INO80D: variants seen among roughly 807,000 people sequenced by gnomAD.
The protein encoded by INO80D is INO80 complex subunit D.
INO80D carries 21 observed loss-of-function variants against 87.6 expected under a neutral mutation model. The ratio of observed to expected loss-of-function variants is 0.24; its 90% CI spans 0.17 to 0.35. INO80D has a LOEUF of 0.35. Ranked by LOEUF, INO80D falls within the 10% of genes least tolerant of loss-of-function variation. The probability of loss-of-function intolerance (pLI) is 1.00; values close to 1 mark genes in which losing one functional copy is unlikely to be tolerated. For synonymous variants in INO80D, 440 were observed against 491.0 expected (o/e 0.90, Z 1.37); for missense variants, 982 against 1,280.7 (o/e 0.77, Z 3.56).
chr2:206,044,776 T>C (rs1234943063), intron 5 of INO80D, among the ~76,000 whole-genome samples: 1 of 152,220 alleles, frequency 6.6e-6, no homozygotes, highest in Non-Finnish European at 1.5e-5. Flanking sequence ...ATAACTACCA[T>C]TTATTAATAA....
rs896722177 is a variant in INO80D, at chr2:205,999,004, A to G, written c.*5364T>C. ...TTTCAGCACTAATCCACTGGAGCCA[A>G]CTGTACCTTAATGATGCAGGTTGGA... On this transcript the variant is annotated 3_prime_UTR_variant, in exon 11 of 11. Transcript: ENST00000403263. 1 of 152,188 alleles carries G rather than the reference A, an allele frequency of 6.6e-6. No individual in the cohort carries two copies. The highest frequency in any genetic ancestry group is 1.5e-5 in the Non-Finnish European group (1 of 68,042). 9.4% of individuals were successfully genotyped at this position (152,188 alleles called of 1,614,324 possible).
rs749733333 is a variant in INO80D, at chr2:206,005,124, C to T, written c.2328G>A (p.Gly776=). The change falls in exon 11 of 11, where the codon GGG becomes GGA. Residue 776 remains glycine (G), a synonymous_variant. Transcript: ENST00000403263. ...SATLISQSAL[G]ERAFPGQFHG... Reference sequence around the variant, plus strand: ...GAAACTGTCCTGGGAAGGCTCTCTCCCCAAGTGCACTCTGGCTGATCAGAG... The same window carrying T: ...GAAACTGTCCTGGGAAGGCTCTCTCTCCAAGTGCACTCTGGCTGATCAGAG... 7 of 1,613,958 alleles carry T rather than the reference C, an allele frequency of 4.3e-6. No homozygotes were observed. Among genetic ancestry groups the T allele is most frequent in the Admixed American group, 1.7e-5 (1 of 60,018 alleles).
chr2:206,047,662 CA>C (rs1175264678), intron 4 of INO80D, among the ~76,000 whole-genome samples: 137 of 140,262 alleles, frequency 9.8e-4, no homozygotes, highest in East Asian at 1.0e-3. Context: ...ATGAAAACAA[CA>C]AAAAAAAAAA....
At chr2:206,031,933 G>A (rs995143321) in intron 5 of INO80D, among the ~76,000 whole-genome samples, 2 of 152,160 alleles carry the variant, frequency 1.3e-5, no homozygotes, top group East Asian at 1.9e-4. Flanking sequence ...GGAAACTGAA[G>A]GTCTAGTTTG....
In INO80D at chr2:205,999,644, A is replaced by T. The variant is rs1687870724; in HGVS notation, c.*4724T>A. The T allele has an allele frequency of 6.6e-6, 1 of 152,214 alleles. No individual in the cohort carries two copies. Among genetic ancestry groups the T allele is most frequent in the Admixed American group, 6.5e-5 (1 of 15,286 alleles). The allele number at this position is 152,214 out of a possible 1,614,324, so 9.4% of individuals were successfully genotyped here. A position where few individuals can be genotyped will look rare whatever the true frequency, so the allele number is the denominator to read the frequency against. The stretch of plus-strand genomic sequence containing the variant: ...AGTTTGACCCACAACTGCAGCATTA[A>T]TGACACTGTTTATTAGAAGAGACAT... On this transcript the variant is annotated 3_prime_UTR_variant, in exon 11 of 11. Coordinates refer to ENST00000403263, the MANE Select transcript of INO80D (RefSeq NM_017759.5).
At chr2:206,012,818 G>A (rs1347878034) in intron 8 of INO80D, among the ~76,000 whole-genome samples, 6 of 144,536 alleles carry the variant, frequency 4.2e-5, no homozygotes, top group Admixed American at 7.2e-5. Flanking sequence ...GCAGTGAGCC[G>A]AGATTGCACC....
chr2:206,077,203 G>A (rs1186384395), intron 1 of INO80D, among the ~76,000 whole-genome samples: 1 of 151,978 alleles, frequency 6.6e-6, no homozygotes, highest in East Asian at 1.9e-4. Context: ...TGTGAACCCG[G>A]GAGTCGGGCG....
intron 4 of INO80D, among the ~76,000 whole-genome samples, chr2:206,053,871 C>T (rs1689439678): frequency 1.3e-5 from 2 of 150,398 alleles, no homozygotes; most frequent in Admixed American, 1.3e-4. Context: ...TGGAGTTTCG[C>T]TCTTGTTGCC....
intron 5 of INO80D, among the ~76,000 whole-genome samples, chr2:206,041,058 T>C (rs572282427): frequency 2.8e-4 from 43 of 152,230 alleles, no homozygotes; most frequent in African/African-American, 9.4e-4. Context: ...AGATGTATGA[T>C]ATAAACCCTA....
At chr2:206,007,079 A>G (rs1408583293) in intron 10 of INO80D, among the ~76,000 whole-genome samples, 2 of 152,202 alleles carry the variant, frequency 1.3e-5, no homozygotes, top group East Asian at 3.9e-4. Context: ...AAACCTAGTC[A>G]GCAAATTATG....
chr2:206,030,954 G>C (rs1490086738), intron 5 of INO80D, among the ~76,000 whole-genome samples: 1 of 152,176 alleles, frequency 6.6e-6, no homozygotes, highest in Non-Finnish European at 1.5e-5. Flanking sequence ...CAGGACTGGA[G>C]AGCATGAGGC....
At chr2:206,059,806 C>G (rs988459824) in intron 3 of INO80D, among the ~76,000 whole-genome samples, 1 of 152,160 alleles carries the variant, frequency 6.6e-6, no homozygotes, top group Non-Finnish European at 1.5e-5. Context: ...CCATATATAT[C>G]TTAAACAGAA....
intron 8 of INO80D, among the ~76,000 whole-genome samples, chr2:206,016,166 C>CTA (rs138667886): frequency 0.13 from 20,335 of 152,202 alleles, 1,719 homozygotes; most frequent in South Asian, 0.2. Context: ...AGGAGAGGGG[C>CTA]TATACCCTGC....
At chr2:206,007,565 T>A in intron 9 of INO80D, 124 bp from the exon 10 acceptor site, 1 of 1,102,286 alleles carries the variant, frequency 9.1e-7, no homozygotes, top group Non-Finnish European at 1.3e-6. Flanking sequence ...CTCACACCTG[T>A]AATCCCAGCA....
intron 9 of INO80D, chr2:206,008,023 CCAAGTTGGA>C (rs1688072551): frequency 6.6e-6 from 1 of 152,642 alleles, no homozygotes; most frequent in South Asian, 2.1e-4. Flanking sequence ...CTCTTGTTGC[CCAAGTTGGA>C]GTGCAATGGC....
chr2:206,011,312 G>T (rs1354070847), intron 8 of INO80D, among the ~76,000 whole-genome samples: 2 of 152,152 alleles, frequency 1.3e-5, no homozygotes, highest in African/African-American at 4.8e-5. Context: ...CTATCTGTAA[G>T]GCTCCCAATG....
chr2:206,065,662 T>C (rs767093943), intron 1 of INO80D, among the ~76,000 whole-genome samples: 6 of 152,078 alleles, frequency 3.9e-5, no homozygotes, highest in Non-Finnish European at 7.4e-5. Context: ...ACATCCAGTA[T>C]ATATATAAGA....
At chr2:206,057,021 T>C in intron 3 of INO80D, 78 bp from the exon 4 acceptor site, 1 of 1,382,044 alleles carries the variant, frequency 7.2e-7, no homozygotes, top group East Asian at 2.4e-5. Context: ...TACATGAGAA[T>C]CCTAATGTTA....
At chr2:206,082,814 T>G (rs1024217228) in intron 1 of INO80D, among the ~76,000 whole-genome samples, 2 of 152,214 alleles carry the variant, frequency 1.3e-5, no homozygotes, top group Non-Finnish European at 2.9e-5. Context: ...AGTTTAGCAT[T>G]TTTTTGAAAT....
Sources: allele counts gnomAD v4.1 joint callset (sites outside exome capture counted in the v4.1 genomes callset), GRCh38; gene constraint gnomAD v4.1.1; transcripts MANE v1.5; gene names NCBI Gene and HGNC (gene_info 2026-07-23, HGNC 2026-07-21).